The following POU2F1 variants were observed in gnomAD, a reference collection of about 807,000 sequenced individuals.
The protein encoded by POU2F1 is POU domain, class 2, transcription factor 1.
Under a neutral mutation model 84.9 loss-of-function variants are expected in POU2F1, and 16 were observed. That is an observed-to-expected ratio of 0.19 (90% CI 0.13 to 0.29). The LOEUF (loss-of-function observed/expected upper bound fraction) is 0.29, where lower values mean the gene tolerates loss of function less well. POU2F1 is among the 10% of genes least tolerant of loss of function. POU2F1 has a pLI of 1.00. For missense variants in POU2F1, 738 were observed against 942.6 expected (o/e 0.78, Z 2.84); for synonymous variants, 368 against 368.3 (o/e 1.00, Z 0.01).
chr1:167,238,851 T>A (rs754207449), intron 1 of POU2F1, among the ~76,000 whole-genome samples: 1 of 152,148 alleles, frequency 6.6e-6, no homozygotes, highest in Non-Finnish European at 1.5e-5. Context: ...TCATTGAAGG[T>A]AGAGTGATAA....
At chr1:167,347,853 A>G (rs1658301002) in intron 2 of POU2F1, among the ~76,000 whole-genome samples, 1 of 152,176 alleles carries the variant, frequency 6.6e-6, no homozygotes, top group Non-Finnish European at 1.5e-5. Context: ...ATGTAATAGC[A>G]TATTATCAGT....
intron 1 of POU2F1, among the ~76,000 whole-genome samples, chr1:167,317,554 A>G (rs1014561603): frequency 7.2e-5 from 11 of 152,236 alleles, no homozygotes; most frequent in Non-Finnish European, 4.4e-5. Flanking sequence ...GTTTCTATAG[A>G]TTATAGATTA....
chr1:167,384,078 A>G lies in POU2F1; in HGVS notation c.813+127A>G, dbSNP rs1647777673. ...GTCTTCGAAAACTGACCAGAAAATC[A>G]AAGCTAGGCTTATCAGCTCAATGCT... On this transcript the variant is annotated intron_variant, in intron 8 of 15. Coordinates refer to ENST00000367866, the MANE Select transcript of POU2F1 (RefSeq NM_002697.4). The G allele has an allele frequency of 1.4e-5, 10 of 734,220 alleles. No homozygotes were observed. In the South Asian group the frequency reaches 2.3e-4, roughly 17 times the overall value. 45.5% of individuals were successfully genotyped at this position (734,220 alleles called of 1,614,324 possible). A position where few individuals can be genotyped will look rare whatever the true frequency, so the allele number is the denominator to read the frequency against.
intron 1 of POU2F1, among the ~76,000 whole-genome samples, chr1:167,323,895 G>A (rs999232671): frequency 6.6e-6 from 1 of 152,058 alleles, no homozygotes; most frequent in Non-Finnish European, 1.5e-5. Flanking sequence ...GTTTCACCAT[G>A]TTGGCCAGGC....
intron 7 of POU2F1, among the ~76,000 whole-genome samples, chr1:167,377,555 C>T (rs932236057): frequency 2.6e-5 from 4 of 152,134 alleles, no homozygotes; most frequent in Non-Finnish European, 5.9e-5. Flanking sequence ...CCACTGCACT[C>T]CAGCCTGGGT....
At chr1:167,279,609 T>C (rs1246971157) in intron 1 of POU2F1, among the ~76,000 whole-genome samples, 1 of 152,092 alleles carries the variant, frequency 6.6e-6, no homozygotes, top group Non-Finnish European at 1.5e-5. Context: ...TCCCAACTAC[T>C]TGGGAGGCTG....
Position 167,418,137 on chromosome 1 carries a change from C to T in POU2F1, c.*2327C>T, listed in dbSNP as rs1650426277. On this transcript the variant is annotated 3_prime_UTR_variant, in exon 16 of 16. Transcript: ENST00000367866. Reference sequence around the variant, plus strand: ...GCTGTACTAATGGACTAGTTGATAACGTGCAGTTCAGACACATCGAGGAGA... The same window carrying T: ...GCTGTACTAATGGACTAGTTGATAATGTGCAGTTCAGACACATCGAGGAGA... The T allele has an allele frequency of 6.6e-6, 1 of 152,186 alleles. No homozygotes were observed. Among genetic ancestry groups the T allele is most frequent in the Non-Finnish European group, 1.5e-5 (1 of 68,034 alleles). The allele number at this position is 152,186 out of a possible 1,614,324, so 9.4% of individuals were successfully genotyped here.
intron 8 of POU2F1, among the ~76,000 whole-genome samples, chr1:167,384,411 T>TA (rs972112176): frequency 6.6e-6 from 1 of 152,104 alleles, no homozygotes; most frequent in Non-Finnish European, 1.5e-5. Flanking sequence ...ATAATTATAT[T>TA]AAAAAAATTT....
intron 7 of POU2F1, 68 bp from the exon 8 acceptor site, chr1:167,383,789 T>G (rs559876971): frequency 2.2e-6 from 3 of 1,381,466 alleles, no homozygotes; most frequent in South Asian, 2.5e-5. Flanking sequence ...TTTCTGATTC[T>G]TTCTTTCTTT....
intron 5 of POU2F1, among the ~76,000 whole-genome samples, chr1:167,372,937 CTT>C (rs1247343729): frequency 6.6e-5 from 10 of 151,290 alleles, no homozygotes; most frequent in African/African-American, 2.4e-4. Context: ...TGTTTTCTTT[CTT>C]TCTTTCTTTC....
intron 1 of POU2F1, among the ~76,000 whole-genome samples, chr1:167,260,566 A>T (rs1051032110): frequency 2.0e-5 from 3 of 152,170 alleles, no homozygotes; most frequent in Admixed American, 6.5e-5. Context: ...TTGTTTAAGT[A>T]TATGGATTTC....
chr1:167,221,142 C>T (rs1204910093), intron 1 of POU2F1, among the ~76,000 whole-genome samples, 184 bp downstream of exon 1: 5 of 151,038 alleles, frequency 3.3e-5, no homozygotes, highest in African/African-American at 1.2e-4. Context: ...AGGCTCGGAG[C>T]GGCCAGGCGG....
At chr1:167,306,052 C>T (rs1166412024) in intron 1 of POU2F1, among the ~76,000 whole-genome samples, 1 of 152,140 alleles carries the variant, frequency 6.6e-6, no homozygotes. Context: ...TTTGTTTGAA[C>T]GGTCAACTTG....
intron 2 of POU2F1, among the ~76,000 whole-genome samples, chr1:167,356,163 C>CT (rs1187844604): frequency 0.018 from 2,352 of 129,836 alleles, 29 homozygotes; most frequent in East Asian, 0.034. Flanking sequence ...TTTTCTTTTT[C>CT]TTTTTTTTTT....
At chr1:167,280,271 G>A (rs540039422) in intron 1 of POU2F1, among the ~76,000 whole-genome samples, 134 of 151,178 alleles carry the variant, frequency 8.9e-4, no homozygotes, top group Admixed American at 1.6e-3. Flanking sequence ...GAAAATAAAA[G>A]TGGACATGAT....
chr1:167,289,695 A>T (rs1653782088), intron 1 of POU2F1, among the ~76,000 whole-genome samples: 1 of 152,212 alleles, frequency 6.6e-6, no homozygotes, highest in African/African-American at 2.4e-5. Flanking sequence ...GCCATAACTT[A>T]AAATTTCTAT....
intron 1 of POU2F1, among the ~76,000 whole-genome samples, chr1:167,238,085 A>G (rs1403398915): frequency 6.6e-6 from 1 of 151,886 alleles, no homozygotes; most frequent in Non-Finnish European, 1.5e-5. Context: ...CCCAGCCCAT[A>G]TATTCTTAAT....
chr1:167,221,238 C>A (rs1191397644), intron 1 of POU2F1, among the ~76,000 whole-genome samples: 1 of 151,340 alleles, frequency 6.6e-6, no homozygotes, highest in Non-Finnish European at 1.5e-5. Flanking sequence ...GCCGTCTGCC[C>A]GTCGGCACCG....
chr1:167,392,527 C>G (rs1296938732), intron 9 of POU2F1, among the ~76,000 whole-genome samples: 1 of 152,084 alleles, frequency 6.6e-6, no homozygotes, highest in African/African-American at 2.4e-5. Context: ...AGTGATATGC[C>G]AAAGATGTTA....
Sources: allele counts gnomAD v4.1 joint callset (sites outside exome capture counted in the v4.1 genomes callset), GRCh38; gene constraint gnomAD v4.1.1; transcripts MANE v1.5; gene names NCBI Gene and HGNC (gene_info 2026-07-23, HGNC 2026-07-21).